The following SPATA17 variants were observed in gnomAD, a reference collection of about 807,000 sequenced individuals.
SPATA17 encodes the protein spermatogenesis associated 17.
Under a neutral mutation model 62.2 loss-of-function variants are expected in SPATA17, and 53 were observed. The observed-to-expected ratio is 0.85, with a 90% CI of 0.68 to 1.07. The LOEUF (loss-of-function observed/expected upper bound fraction) is 1.07, where lower values mean the gene tolerates loss of function less well. SPATA17 is among the 50% of genes least tolerant of loss of function. SPATA17 has a pLI of 0.00. For synonymous variants in SPATA17, 146 were observed against 146.8 expected (o/e 0.99, Z 0.04); for missense variants, 466 against 425.5 (o/e 1.10, Z -0.84).
At chr1:217,865,852 G>A (rs1240827203) in intron 10 of SPATA17, among the ~76,000 whole-genome samples, 1 of 152,144 alleles carries the variant, frequency 6.6e-6, no homozygotes, top group Non-Finnish European at 1.5e-5. Context: ...CTGTCTGTCT[G>A]CTAAAAAGTG....
intron 1 of SPATA17, among the ~76,000 whole-genome samples, chr1:217,647,874 CA>C (rs1670224145): frequency 6.6e-6 from 1 of 152,038 alleles, no homozygotes; most frequent in South Asian, 2.1e-4. Context: ...AGGAGCCCGC[CA>C]CCACGCTTGG....
At chr1:217,672,786 C>G (rs189228816) in intron 4 of SPATA17, among the ~76,000 whole-genome samples, 1 of 151,932 alleles carries the variant, frequency 6.6e-6, no homozygotes, top group African/African-American at 2.4e-5. Context: ...TTTTATGTTC[C>G]TATTTTACCA....
At chr1:217,747,655 G>A (rs1672796050) in intron 6 of SPATA17, among the ~76,000 whole-genome samples, 1 of 152,040 alleles carries the variant, frequency 6.6e-6, no homozygotes, top group Non-Finnish European at 1.5e-5. Flanking sequence ...GTATAACTAT[G>A]CATATTTTAT....
chr1:217,763,467 A>T (rs1673220657), intron 6 of SPATA17, among the ~76,000 whole-genome samples: 1 of 152,108 alleles, frequency 6.6e-6, no homozygotes, highest in Non-Finnish European at 1.5e-5. Flanking sequence ...AATGGAAAAA[A>T]ATGTGGCTGC....
At chr1:217,810,364 C>T (rs928127888) in intron 9 of SPATA17, among the ~76,000 whole-genome samples, 1 of 152,062 alleles carries the variant, frequency 6.6e-6, no homozygotes, top group Admixed American at 6.6e-5. Context: ...TCTGTTTTCA[C>T]GCTGCTATAA....
At chr1:217,817,598 G>A (rs1305955195) in intron 9 of SPATA17, among the ~76,000 whole-genome samples, 2 of 151,994 alleles carry the variant, frequency 1.3e-5, no homozygotes, top group Non-Finnish European at 2.9e-5. Context: ...GATGGTGTGT[G>A]TGTCTATCCA....
chr1:217,774,686 G>A (rs1025060451), intron 7 of SPATA17, 149 bp downstream of exon 7: 55 of 661,944 alleles, frequency 8.3e-5, no homozygotes, highest in Non-Finnish European at 1.2e-4. Context: ...ATCAGCTGTC[G>A]CTAGAACTCT....
chr1:217,790,377 C>T (rs542229777), intron 8 of SPATA17, among the ~76,000 whole-genome samples: 1 of 152,174 alleles, frequency 6.6e-6, no homozygotes, highest in African/African-American at 2.4e-5. Context: ...TGTCCACAGA[C>T]CCCTAAAAAA....
chr1:217,792,390 A>G (rs1674015894), intron 8 of SPATA17, among the ~76,000 whole-genome samples: 1 of 152,196 alleles, frequency 6.6e-6, no homozygotes, highest in Admixed American at 6.5e-5. Flanking sequence ...TAAGATGAGT[A>G]GGGGGCTGTA....
chr1:217,679,793 G>GA (rs1434552759), intron 4 of SPATA17, among the ~76,000 whole-genome samples: 3 of 152,164 alleles, frequency 2.0e-5, no homozygotes, highest in African/African-American at 7.2e-5. Flanking sequence ...GAGAAGGAAA[G>GA]AGCCCACATT....
chr1:217,655,985 C>T (rs990366848), intron 3 of SPATA17, among the ~76,000 whole-genome samples: 2 of 152,056 alleles, frequency 1.3e-5, no homozygotes, highest in African/African-American at 2.4e-5. Context: ...TCAAGTGATT[C>T]TCCTGCCTCA....
At chr1:217,658,207 G>C (rs1017816228) in intron 3 of SPATA17, among the ~76,000 whole-genome samples, 24 of 152,146 alleles carry the variant, frequency 1.6e-4, no homozygotes, top group Admixed American at 1.6e-3. Flanking sequence ...GGAGGTGTTT[G>C]GGTCATGGGG....
In SPATA17 at chr1:217,774,443, A is replaced by T. The variant is rs943018821; in HGVS notation, c.629A>T (p.Asp210Val). 1.2e-6 allele frequency: 2 copies of T among 1,613,826 alleles called. No homozygotes were observed. The highest frequency in any genetic ancestry group is 1.3e-5 in the African/African-American group (1 of 74,866). ...THRRPKVKQK[D>V]STSLTDWLAC... Reference sequence around the variant, plus strand: ...CGAAGACCTAAAGTTAAGCAGAAGGACTCCACCAGCCTTACTGATTGGCTA... The same window carrying T: ...CGAAGACCTAAAGTTAAGCAGAAGGTCTCCACCAGCCTTACTGATTGGCTA... The change falls in exon 7 of 11, where the codon GAC becomes GTC. Residue 210 changes from aspartate (D) to valine (V), a missense_variant. Transcript: ENST00000366933.
chr1:217,716,231 T>C (rs955999476), intron 5 of SPATA17, among the ~76,000 whole-genome samples: 1 of 152,214 alleles, frequency 6.6e-6, no homozygotes, highest in Non-Finnish European at 1.5e-5. Flanking sequence ...TGTTAATATA[T>C]TAAACTATCT....
At chr1:217,789,335 C>T (rs1405065461) in intron 8 of SPATA17, among the ~76,000 whole-genome samples, 1 of 152,188 alleles carries the variant, frequency 6.6e-6, no homozygotes, top group Non-Finnish European at 1.5e-5. Context: ...GCCTTCATTT[C>T]TCTCAAATTT....
At chr1:217,726,247 T>C (rs190252849) in intron 5 of SPATA17, among the ~76,000 whole-genome samples, 282 of 152,298 alleles carry the variant, frequency 1.9e-3, no homozygotes, top group African/African-American at 6.6e-3. Flanking sequence ...ACTGTGGATA[T>C]TGATTTCATG....
chr1:217,795,397 T>C (rs1040051765), intron 8 of SPATA17, among the ~76,000 whole-genome samples: 11 of 122,464 alleles, frequency 9.0e-5, no homozygotes, highest in Non-Finnish European at 1.3e-4. Flanking sequence ...CGAGACAGAG[T>C]CTTGCTCTGT....
chr1:217,793,215 G>GTTTTTTTTTT lies in SPATA17; in HGVS notation c.873-8498_873-8497insTTTTTTTTTT, dbSNP rs376041446. On this transcript the variant is annotated intron_variant, in intron 8 of 10. Coordinates refer to ENST00000366933, the MANE Select transcript of SPATA17 (RefSeq NM_138796.4). ...GAATTGCTTTAATGTTAGGGCAGTG[G>GTTTTTTTTTT]TTTTTGTTTTTTTTTTTTTTTTTGA... is the stretch of plus-strand genomic sequence containing the variant. Among the ~76,000 whole-genome samples the GTTTTTTTTTT allele has an allele frequency of 5.2e-5, 6 of 114,598 alleles. 2 individuals carry two copies. Among genetic ancestry groups the GTTTTTTTTTT allele is most frequent in the Non-Finnish European group, 5.3e-5 (3 of 56,448 alleles). 75.2% of individuals were successfully genotyped at this position (114,598 alleles called of 152,430 possible).
At chr1:217,641,593 T>C (rs1327227655) in intron 1 of SPATA17, among the ~76,000 whole-genome samples, 1 of 152,124 alleles carries the variant, frequency 6.6e-6, no homozygotes, top group East Asian at 1.9e-4. Flanking sequence ...AAACACAGTA[T>C]CTGAAATTTA....
Sources: allele counts gnomAD v4.1 joint callset (sites outside exome capture counted in the v4.1 genomes callset), GRCh38; gene constraint gnomAD v4.1.1; transcripts MANE v1.5; gene names NCBI Gene and HGNC (gene_info 2026-07-23, HGNC 2026-07-21).